KIAA1549: variants seen among roughly 807,000 people sequenced by gnomAD.
The protein encoded by KIAA1549 is KIAA1549.
In KIAA1549, 70 loss-of-function variants were observed where a neutral mutation model predicts 156.4. The observed-to-expected ratio is 0.45, with a 90% CI of 0.37 to 0.55. The LOEUF (loss-of-function observed/expected upper bound fraction) is 0.55, where lower values mean the gene tolerates loss of function less well. Among genes scored for constraint, KIAA1549 ranks in the 20% least tolerant of loss-of-function variants. The pLI, the probability that KIAA1549 is intolerant of heterozygous loss-of-function variation, is 0.00. For missense variants in KIAA1549, 2,428 were observed against 2,540.9 expected (o/e 0.96, Z 0.96); for synonymous variants, 1,103 against 1,066.4 (o/e 1.03, Z -0.67).
rs1563039449 is a variant in KIAA1549 at position 138,832,190 on chromosome 7, C to CTTTTTTTTTTTT, written c.*5715_*5716insAAAAAAAAAAAA. On this transcript the variant is annotated 3_prime_UTR_variant, in exon 20 of 20. Coordinates refer to ENST00000422774, the MANE Select transcript of KIAA1549 (RefSeq NM_001164665.2). Reference sequence around the variant, plus strand: ...TTCACCTCTGTCCCTTTTACCTATTCCTTTTTTTTTTTTTTTTTTTTCCAG... The same window carrying CTTTTTTTTTTTT: ...TTCACCTCTGTCCCTTTTACCTATTCTTTTTTTTTTTTCTTTTTTTTTTTTTTTTTTTTCCAG... 7.5e-4 allele frequency: 128 copies of CTTTTTTTTTTTT among 169,906 alleles called. 1 individual carries two copies. Among genetic ancestry groups the CTTTTTTTTTTTT allele is most frequent in the South Asian group, 1.2e-3 (5 of 4,152 alleles). 10.5% of individuals were successfully genotyped at this position (169,906 alleles called of 1,614,324 possible).
At chr7:138,910,700 A>AT (rs10686011) in intron 4 of KIAA1549, among the ~76,000 whole-genome samples, 17,959 of 111,438 alleles carry the variant, frequency 0.16, 2,302 homozygotes, top group African/African-American at 0.29. Context: ...ACTTGGTCTA[A>AT]TTTTTTTTTT....
At chr7:138,899,285 GCT>G (rs1028700188) in intron 8 of KIAA1549, 153 bp from the exon 9 acceptor site, 19 of 688,264 alleles carry the variant, frequency 2.8e-5, no homozygotes, top group Non-Finnish European at 4.8e-5. Flanking sequence ...TCACCATGGT[GCT>G]CTCTGTTGAT....
At chr7:138,896,396 G>C (rs142318480) in intron 9 of KIAA1549, among the ~76,000 whole-genome samples, 3 of 152,342 alleles carry the variant, frequency 2.0e-5, no homozygotes, top group Non-Finnish European at 2.9e-5. Context: ...AAAAAGCACA[G>C]ATTAGAGCAC....
At position 138,918,797 on chromosome 7, in the gene KIAA1549, C is replaced by T. The variant is rs371968423; in HGVS notation, c.829G>A (p.Val277Met). ...GAGCTTAAAAAAAGGGTGGTTTCCACACCCTCTGTTAGGGAAGCCACAATC... is the reference window on the plus strand; with the variant it reads ...GAGCTTAAAAAAAGGGTGGTTTCCATACCCTCTGTTAGGGAAGCCACAATC... ...PEIVASLTEG[V>M]ETTLFLSSRS... is the part of the protein sequence containing the mutation. Residue 277 changes from valine (V) to methionine (M), a missense_variant, in exon 2 of 20, where the codon GTG (valine) becomes ATG (methionine). Val to Met is a conservative substitution (Grantham distance 21). Transcript: ENST00000422774. The surrounding 1 kb of genome is among the most constrained non-coding windows in gnomAD (Gnocchi z 4.2). 1.2e-5 allele frequency: 19 copies of T among 1,613,884 alleles called. No individual in the cohort carries two copies. The African/African-American group carries it at 2.4e-4, about 20-fold the overall frequency.
rs146544027 is a variant in KIAA1549 at position 138,838,060 on chromosome 7, T to A, written c.5699A>T (p.His1900Leu). Residue 1900 changes from histidine (H) to leucine (L), a missense_variant, in exon 20 of 20, where the codon CAC (histidine) becomes CTC (leucine). This residue lies in a region of KIAA1549 where 363 missense variants were observed against 354.0 expected (regional missense o/e 1.03). Transcript: ENST00000422774. ...EPSAPSGNLP[H>L]RGLQGPGLGY... Reference sequence around the variant, plus strand: ...CAGCCCAGGGCCCTGCAGTCCCCGGTGGGGGAGGTTCCCGGAAGGAGCTGA... The same window carrying A: ...CAGCCCAGGGCCCTGCAGTCCCCGGAGGGGGAGGTTCCCGGAAGGAGCTGA... 66 of 1,596,912 alleles carry A rather than the reference T, an allele frequency of 4.1e-5. No individual in the cohort carries two copies. In the African/African-American group the frequency reaches 8.3e-4, roughly 20 times the overall value.
At chr7:138,955,444 T>C (rs1045417991) in intron 1 of KIAA1549, among the ~76,000 whole-genome samples, 1 of 151,850 alleles carries the variant, frequency 6.6e-6, no homozygotes, top group Admixed American at 6.6e-5. Context: ...AGACAGAAAG[T>C]AGAAGGGTGG....
intron 15 of KIAA1549, among the ~76,000 whole-genome samples, chr7:138,866,925 C>A (rs571986916): frequency 6.6e-6 from 1 of 152,260 alleles, no homozygotes; most frequent in African/African-American, 2.4e-5. Context: ...ACCTCAGCCT[C>A]CCAAGTAGCT....
At chr7:138,865,867 A>C (rs1015250148) in intron 15 of KIAA1549, among the ~76,000 whole-genome samples, 2 of 152,222 alleles carry the variant, frequency 1.3e-5, no homozygotes, top group African/African-American at 4.8e-5. Flanking sequence ...AGGGTTCCCC[A>C]CAAATTCCTT....
chr7:138,878,850 G>A (rs911347688), intron 12 of KIAA1549, among the ~76,000 whole-genome samples: 1 of 151,910 alleles, frequency 6.6e-6, no homozygotes, highest in Non-Finnish European at 1.5e-5. Context: ...TAAACCTCCA[G>A]CAAATACAAC....
At chr7:138,915,352 T>A (rs1584752302) in intron 2 of KIAA1549, among the ~76,000 whole-genome samples, 1 of 152,080 alleles carries the variant, frequency 6.6e-6, no homozygotes, top group Non-Finnish European at 1.5e-5. Context: ...GTCTTACCCA[T>A]CTGTATATCC....
chr7:138,858,507 TG>T (rs1157659291), intron 16 of KIAA1549, among the ~76,000 whole-genome samples: 1 of 152,198 alleles, frequency 6.6e-6, no homozygotes, highest in Non-Finnish European at 1.5e-5. Flanking sequence ...CATATTTTTG[TG>T]TTTCTATATT....
rs553993303 is a variant in KIAA1549, at chr7:138,943,804, G to A, written c.188-24366C>T. 6.6e-5 allele frequency among the ~76,000 whole-genome samples: 10 copies of A among 151,620 alleles called. No homozygotes were observed. In the East Asian group the frequency reaches 1.7e-3, roughly 26 times the overall value. Reference sequence around the variant, plus strand: ...GCAGAGCTTGCAGTGAGCTGAGATCGCACCACTGCACTCCAGCCTGGGCGA... The same window carrying A: ...GCAGAGCTTGCAGTGAGCTGAGATCACACCACTGCACTCCAGCCTGGGCGA... On this transcript the variant is annotated intron_variant, in intron 1 of 19. Coordinates refer to ENST00000422774, the MANE Select transcript of KIAA1549 (RefSeq NM_001164665.2).
chr7:138,888,021 G>A (rs189004232), intron 10 of KIAA1549, among the ~76,000 whole-genome samples: 1 of 152,316 alleles, frequency 6.6e-6, no homozygotes, highest in East Asian at 1.9e-4. Context: ...TTCATCCAGG[G>A]GACAAACTCA....
At chr7:138,877,470 G>T (rs1450815475) in intron 12 of KIAA1549, among the ~76,000 whole-genome samples, 1 of 152,042 alleles carries the variant, frequency 6.6e-6, no homozygotes, top group Non-Finnish European at 1.5e-5. Flanking sequence ...CTACAGCCTA[G>T]GCAACAGGAA....
At chr7:138,875,607 T>C (rs1282018928) in intron 12 of KIAA1549, among the ~76,000 whole-genome samples, 1 of 152,120 alleles carries the variant, frequency 6.6e-6, no homozygotes, top group Non-Finnish European at 1.5e-5. Context: ...ATTGTGCCAC[T>C]GCACTCGAGA....
rs1381289065 is a variant in KIAA1549 at position 138,981,086 on chromosome 7, G to C, written c.184C>G (p.Pro62Ala). 3 of 1,224,834 alleles carry C rather than the reference G, an allele frequency of 2.4e-6. No individual in the cohort carries two copies. In the African/African-American group the frequency reaches 4.7e-5, roughly 19 times the overall value. 75.9% of individuals were successfully genotyped at this position (1,224,834 alleles called of 1,614,324 possible). Residue 62 changes from proline (P) to alanine (A), a missense_variant, in exon 1 of 20, where the codon CCA becomes GCA. This residue lies in a region of KIAA1549 where 893 missense variants were observed against 847.9 expected (regional missense o/e 1.05). Coordinates refer to ENST00000422774, the MANE Select transcript of KIAA1549 (RefSeq NM_001164665.2). The surrounding 1 kb of genome is among the most constrained non-coding windows in gnomAD (Gnocchi z 4.5). ...CGAGGGTCTCGGCGGAGCTTACCTG[G>C]GGCGCACGAGGCCGGCCGGGCCAGC... ...LLLARPASCA[P>A]DELSPEQHNL...
At chr7:138,854,769 T>C (rs540746571) in intron 16 of KIAA1549, among the ~76,000 whole-genome samples, 13 of 152,196 alleles carry the variant, frequency 8.5e-5, no homozygotes, top group Non-Finnish European at 1.9e-4. Flanking sequence ...CATTGAATAA[T>C]GGTGTTTATT....
At chr7:138,886,736 G>A (rs1584731312) in intron 10 of KIAA1549, among the ~76,000 whole-genome samples, 1 of 152,112 alleles carries the variant, frequency 6.6e-6, no homozygotes, top group East Asian at 1.9e-4. Context: ...TCTGATTAAA[G>A]AGCTCCTGTT....
At chr7:138,869,966 C>T (rs1473265664) in intron 13 of KIAA1549, among the ~76,000 whole-genome samples, 1 of 152,160 alleles carries the variant, frequency 6.6e-6, no homozygotes, top group East Asian at 1.9e-4. Flanking sequence ...TCTCCTGTCT[C>T]AGCCTGCCGA....
Sources: allele counts gnomAD v4.1 joint callset (sites outside exome capture counted in the v4.1 genomes callset), GRCh38; gene constraint gnomAD v4.1.1; regional missense constraint gnomAD v4.1.1; non-coding constraint Gnocchi (gnomAD v3.1); transcripts MANE v1.5; gene names NCBI Gene and HGNC (gene_info 2026-07-23, HGNC 2026-07-21).